The following SBNO1 variants were observed in gnomAD, a reference collection of about 807,000 sequenced individuals.
SBNO1 encodes the protein protein strawberry notch homolog 1.
Under a neutral mutation model 173.6 loss-of-function variants are expected in SBNO1, and 23 were observed. That is an observed-to-expected ratio of 0.13 (90% CI 0.10 to 0.19). The LOEUF is 0.19. Among genes scored for constraint, SBNO1 ranks in the 10% least tolerant of loss-of-function variants. The pLI is 1.00. For missense variants in SBNO1, 1,238 were observed against 1,671.2 expected (o/e 0.74, Z 4.52); for synonymous variants, 632 against 571.5 (o/e 1.11, Z -1.51).
At chr12:123,317,383 T>C (rs1188367174) in intron 20 of SBNO1, 27 bp from the exon 21 acceptor site, 1 of 1,611,808 alleles carries the variant, frequency 6.2e-7, no homozygotes, top group South Asian at 1.1e-5. Flanking sequence ...AAAAATAAAG[T>C]CACTTTTGCA....
intron 23 of SBNO1, among the ~76,000 whole-genome samples, chr12:123,314,945 G>A (rs924211246): frequency 6.7e-5 from 10 of 148,598 alleles, no homozygotes; most frequent in East Asian, 5.9e-4. Flanking sequence ...GTTGCACCAC[G>A]TTGGCCAGGC....
chr12:123,345,249 CAG>C lies in SBNO1; in HGVS notation c.550+7_550+8del, dbSNP rs1261806180. The C allele has an allele frequency of 6.2e-7, 1 of 1,608,078 alleles. No individual in the cohort carries two copies. The highest frequency in any genetic ancestry group is 1.1e-5 in the South Asian group (1 of 90,756). On this transcript the variant is annotated splice_region_variant and intron_variant, in intron 4 of 31. Coordinates refer to ENST00000602398, the MANE Select transcript of SBNO1 (RefSeq NM_001167856.3). Reference sequence around the variant, plus strand: ...GAGAGAAAGTTGATACTATTGAAAACAGACTTACTAGCTGCTGTTGCTACTGG... The same window carrying C: ...GAGAGAAAGTTGATACTATTGAAAACACTTACTAGCTGCTGTTGCTACTGG...
At chr12:123,297,178 G>A (rs373301096) in intron 31 of SBNO1, among the ~76,000 whole-genome samples, 2 of 150,570 alleles carry the variant, frequency 1.3e-5, no homozygotes, top group African/African-American at 4.9e-5. Flanking sequence ...TGGCCAACAT[G>A]GTGAAAACCC....
At chr12:123,310,047 A>G (rs1196865518) in intron 25 of SBNO1, among the ~76,000 whole-genome samples, 191 bp from the exon 26 acceptor site, 1 of 152,148 alleles carries the variant, frequency 6.6e-6, no homozygotes, top group Non-Finnish European at 1.5e-5. Flanking sequence ...ACACGCTCAA[A>G]AGAGGTTTGT....
chr12:123,346,898 TA>T (rs1222372141), intron 3 of SBNO1, among the ~76,000 whole-genome samples: 1 of 151,178 alleles, frequency 6.6e-6, no homozygotes, highest in Admixed American at 6.6e-5. Flanking sequence ...GCCAACATGG[TA>T]AAACCCTGTC....
rs1403521330 is a variant in SBNO1, at chr12:123,289,283, A to T, written c.*6625T>A. ...AGCCAGTACATTTTTATTGCATGAG[A>T]CCAAATTTTTCAGTTACATATCAAA... is the stretch of plus-strand genomic sequence containing the variant. On this transcript the variant is annotated 3_prime_UTR_variant, in exon 32 of 32. Transcript: ENST00000602398. 1.3e-5 allele frequency: 2 copies of T among 152,234 alleles called. No homozygotes were observed. Among genetic ancestry groups the T allele is most frequent in the Non-Finnish European group, 2.9e-5 (2 of 68,048 alleles). The allele number at this position is 152,234 out of a possible 1,614,324, so 9.4% of individuals were successfully genotyped here.
intron 2 of SBNO1, among the ~76,000 whole-genome samples, chr12:123,348,626 T>G (rs1171566576): frequency 6.6e-6 from 1 of 151,490 alleles, no homozygotes; most frequent in African/African-American, 2.4e-5. Context: ...ATTCACCGAG[T>G]GTGGTGGTGG....
At chr12:123,344,033 T>C (rs1171466329) in intron 4 of SBNO1, among the ~76,000 whole-genome samples, 1 of 152,208 alleles carries the variant, frequency 6.6e-6, no homozygotes, top group Non-Finnish European at 1.5e-5. Context: ...TTCTCTAAAT[T>C]CTTCCCTCAC....
chr12:123,305,142 G>A (rs1478509169), intron 28 of SBNO1, among the ~76,000 whole-genome samples: 1 of 152,178 alleles, frequency 6.6e-6, no homozygotes, highest in Non-Finnish European at 1.5e-5. Flanking sequence ...AATTCTTTAA[G>A]CTCTGCTGTA....
chr12:123,296,344 C>CT (rs1467921799), intron 31 of SBNO1, among the ~76,000 whole-genome samples: 1 of 152,146 alleles, frequency 6.6e-6, no homozygotes, highest in Non-Finnish European at 1.5e-5. Flanking sequence ...TTAAGAATAT[C>CT]TATTATTCTA....
At chr12:123,305,665 G>A (rs1308292216) in intron 28 of SBNO1, among the ~76,000 whole-genome samples, 2 of 152,034 alleles carry the variant, frequency 1.3e-5, no homozygotes, top group Non-Finnish European at 1.5e-5. Flanking sequence ...TAGAGATGGG[G>A]TTTCTCCATG....
At chr12:123,312,372 C>T (rs1868689128) in intron 24 of SBNO1, among the ~76,000 whole-genome samples, 1 of 152,140 alleles carries the variant, frequency 6.6e-6, no homozygotes, top group Admixed American at 6.5e-5. Context: ...CTGTTAACAA[C>T]ACATATCAGT....
chr12:123,341,720 GTT>G (rs1872593001), intron 4 of SBNO1, among the ~76,000 whole-genome samples: 1 of 151,546 alleles, frequency 6.6e-6, no homozygotes, highest in South Asian at 2.1e-4. Context: ...TAAAAACGGA[GTT>G]TCTCCATGTT....
chr12:123,294,634 C>CAAAAAAAAAAAAAGAAAAAAA lies in SBNO1; in HGVS notation c.*1273_*1274insTTTTTTTCTTTTTTTTTTTTT, dbSNP rs2048560188. ...TTTTCAATAGTGCAACCTGTGGAAG[C>CAAAAAAAAAAAAAGAAAAAAA]AAAAAAAAAAAAAAAAAAAAAAAAA... On this transcript the variant is annotated 3_prime_UTR_variant, in exon 32 of 32. Coordinates refer to ENST00000602398, the MANE Select transcript of SBNO1 (RefSeq NM_001167856.3). The CAAAAAAAAAAAAAGAAAAAAA allele has an allele frequency of 1.7e-5, 1 of 59,958 alleles. No homozygotes were observed. The highest frequency in any genetic ancestry group is 5.1e-4 in the East Asian group (1 of 1,954). The allele number at this position is 59,958 out of a possible 1,614,324, so 3.7% of individuals were successfully genotyped here.
At chr12:123,299,989 C>T (rs1376112850) in intron 30 of SBNO1, among the ~76,000 whole-genome samples, 1 of 152,052 alleles carries the variant, frequency 6.6e-6, no homozygotes, top group African/African-American at 2.4e-5. Context: ...AAGGACTCAG[C>T]AATCTAGAGA....
intron 25 of SBNO1, 78 bp downstream of exon 25, chr12:123,310,977 C>A: frequency 9.4e-7 from 1 of 1,069,100 alleles, no homozygotes; most frequent in Non-Finnish European, 1.4e-6. Context: ...GCTTCCCCTT[C>A]AGCTCAAAAG....
At position 123,300,976 on chromosome 12, in the gene SBNO1, A is replaced by AAAC. The variant is rs2048769364; in HGVS notation, c.3845+1847_3845+1848insGTT. ...CACCATCTCAAAAAAAAAACAAAAAAAAACAAAAAAAAAACCCAAGTTAGT... is the reference window on the plus strand; with the variant it reads ...CACCATCTCAAAAAAAAAACAAAAAAAACAAACAAAAAAAAAACCCAAGTTAGT... On this transcript the variant is annotated intron_variant, in intron 30 of 31. Coordinates refer to ENST00000602398, the MANE Select transcript of SBNO1 (RefSeq NM_001167856.3). 2.0e-5 allele frequency among the ~76,000 whole-genome samples: 3 copies of AAAC among 148,982 alleles called. No homozygotes were observed. The South Asian group carries it at 6.3e-4, about 31-fold the overall frequency.
At chr12:123,362,990 A>G (rs1566061022) in intron 1 of SBNO1, among the ~76,000 whole-genome samples, 1 of 151,954 alleles carries the variant, frequency 6.6e-6, no homozygotes. Flanking sequence ...CGGAGGCTGA[A>G]GTGGGACGAT....
intron 28 of SBNO1, 70 bp downstream of exon 28, chr12:123,309,240 A>G: frequency 9.0e-7 from 1 of 1,105,814 alleles, no homozygotes; most frequent in Non-Finnish European, 1.4e-6. Flanking sequence ...TACAAAGTGA[A>G]GAGACAATTA....
Sources: allele counts gnomAD v4.1 joint callset (sites outside exome capture counted in the v4.1 genomes callset), GRCh38; gene constraint gnomAD v4.1.1; transcripts MANE v1.5; gene names NCBI Gene and HGNC (gene_info 2026-07-23, HGNC 2026-07-21).